ANO10: variants seen among roughly 807,000 people sequenced by gnomAD.
ANO10 encodes the protein anoctamin-10.
Under a neutral mutation model 74.7 loss-of-function variants are expected in ANO10, and 77 were observed. The observed-to-expected ratio is 1.03, with a 90% confidence interval of 0.86 to 1.25. ANO10 has a LOEUF of 1.25. ANO10 is among the 50% of genes most tolerant of loss of function. The pLI is 0.00. For synonymous variants in ANO10, 279 were observed against 284.9 expected (o/e 0.98, Z 0.21); for missense variants, 721 against 778.1 (o/e 0.93, Z 0.87).
chr3:43,509,759 C>A (rs1346480549), intron 11 of ANO10, among the ~76,000 whole-genome samples: 1 of 152,170 alleles, frequency 6.6e-6, no homozygotes, highest in Non-Finnish European at 1.5e-5. Context: ...ATGTTCATAG[C>A]AACTTTATTT....
intron 1 of ANO10, among the ~76,000 whole-genome samples, chr3:43,632,072 C>CA (rs1160264969): frequency 0.013 from 924 of 69,992 alleles, 6 homozygotes; most frequent in East Asian, 0.029. Flanking sequence ...GACTCTGTCT[C>CA]AAAAAAAAAA....
chr3:43,446,096 T>A (rs1489079452), intron 11 of ANO10, among the ~76,000 whole-genome samples: 1 of 152,152 alleles, frequency 6.6e-6, no homozygotes, highest in Non-Finnish European at 1.5e-5. Context: ...TTAGAGTGGG[T>A]GATCACTTTG....
At chr3:43,419,386 T>C (rs2092787968) in intron 12 of ANO10, among the ~76,000 whole-genome samples, 1 of 152,246 alleles carries the variant, frequency 6.6e-6, no homozygotes, top group African/African-American at 2.4e-5. Flanking sequence ...ATCCATTCCT[T>C]AATCTGTAAA....
intron 11 of ANO10, among the ~76,000 whole-genome samples, chr3:43,470,926 C>T (rs981242952): frequency 2.6e-5 from 4 of 152,034 alleles, no homozygotes; most frequent in Non-Finnish European, 5.9e-5. Context: ...CGCTCTTGGC[C>T]AATATATGGT....
At chr3:43,515,307 C>G (rs1324453829) in intron 11 of ANO10, among the ~76,000 whole-genome samples, 1 of 152,138 alleles carries the variant, frequency 6.6e-6, no homozygotes, top group African/African-American at 2.4e-5. Context: ...GAGCCTCATC[C>G]AATCCACTGA....
chr3:43,510,329 G>C (rs2077461939), intron 11 of ANO10, among the ~76,000 whole-genome samples: 1 of 151,824 alleles, frequency 6.6e-6, no homozygotes, highest in South Asian at 2.1e-4. Flanking sequence ...TACTGGGGAG[G>C]CTGAGGGAGG....
intron 11 of ANO10, among the ~76,000 whole-genome samples, chr3:43,446,501 T>C (rs2093248539): frequency 6.6e-6 from 1 of 152,228 alleles, no homozygotes; most frequent in Admixed American, 6.5e-5. Flanking sequence ...AGATAACATT[T>C]TCTGTTCTCC....
chr3:43,493,416 A>T (rs1575256533), intron 11 of ANO10, among the ~76,000 whole-genome samples: 1 of 146,796 alleles, frequency 6.8e-6, no homozygotes, highest in African/African-American at 2.5e-5. Flanking sequence ...AGTATAATTT[A>T]AAAAAAAAAA....
chr3:43,514,972 T>C (rs2077651223), intron 11 of ANO10, among the ~76,000 whole-genome samples: 2 of 152,116 alleles, frequency 1.3e-5, no homozygotes, highest in African/African-American at 2.4e-5. Flanking sequence ...TAAAACACTA[T>C]GTAGCAGGAA....
chr3:43,384,515 C>A (rs72863656), intron 12 of ANO10, among the ~76,000 whole-genome samples: 7,837 of 152,156 alleles, frequency 0.052, 544 homozygotes, highest in African/African-American at 0.16. Context: ...ATACATTACC[C>A]GACTTCAAAC....
intron 11 of ANO10, among the ~76,000 whole-genome samples, chr3:43,505,696 T>A (rs2077268771): frequency 6.6e-6 from 1 of 152,198 alleles, no homozygotes; most frequent in African/African-American, 2.4e-5. Flanking sequence ...ATTCACGAAG[T>A]CAAGAAATGA....
At chr3:43,542,189 A>G (rs1285728336) in intron 11 of ANO10, among the ~76,000 whole-genome samples, 1 of 152,184 alleles carries the variant, frequency 6.6e-6, no homozygotes, top group Non-Finnish European at 1.5e-5. Context: ...GCTGTTTTAA[A>G]AAGTATGTCT....
chr3:43,478,500 T>C (rs532452881), intron 11 of ANO10, among the ~76,000 whole-genome samples: 1 of 152,342 alleles, frequency 6.6e-6, no homozygotes, highest in East Asian at 1.9e-4. Flanking sequence ...CCAGGACCCA[T>C]GCTTTTTTCA....
chr3:43,671,504 T>C (rs973085663), intron 1 of ANO10, among the ~76,000 whole-genome samples: 1 of 152,178 alleles, frequency 6.6e-6, no homozygotes, highest in Non-Finnish European at 1.5e-5. Flanking sequence ...TACTGAAGGT[T>C]CAATTATTTT....
chr3:43,492,347 AC>A (rs1487243143), intron 11 of ANO10, among the ~76,000 whole-genome samples: 6 of 152,270 alleles, frequency 3.9e-5, no homozygotes, highest in Admixed American at 3.9e-4. Context: ...CTAGAAGAAA[AC>A]CTGTCCAATA....
At chr3:43,405,085 C>T (rs997706625) in intron 12 of ANO10, among the ~76,000 whole-genome samples, 2 of 152,156 alleles carry the variant, frequency 1.3e-5, no homozygotes, top group South Asian at 2.1e-4. Flanking sequence ...TTAAGATCTG[C>T]ACCGTAATTT....
At chr3:43,590,970 A>G (rs1037000976) in intron 4 of ANO10, among the ~76,000 whole-genome samples, 2 of 152,174 alleles carry the variant, frequency 1.3e-5, no homozygotes, top group African/African-American at 4.8e-5. Context: ...ATTAGGCTAA[A>G]AGCAGGAGGT....
chr3:43,420,309 G>A (rs906618200), intron 12 of ANO10, among the ~76,000 whole-genome samples: 2 of 151,870 alleles, frequency 1.3e-5, no homozygotes, highest in East Asian at 3.9e-4. Context: ...AGCCCTTCAT[G>A]GTGGCGCACA....
chr3:43,470,122 T>G (rs913131188), intron 11 of ANO10, among the ~76,000 whole-genome samples: 1 of 152,228 alleles, frequency 6.6e-6, no homozygotes, highest in Non-Finnish European at 1.5e-5. Context: ...AACTGTTGCA[T>G]AGTTATATAA....
Sources: allele counts gnomAD v4.1 joint callset (sites outside exome capture counted in the v4.1 genomes callset), GRCh38; gene constraint gnomAD v4.1.1; transcripts MANE v1.5; gene names NCBI Gene and HGNC (gene_info 2026-07-23, HGNC 2026-07-21).